The following PSD3 variants were observed in gnomAD, a reference collection of about 807,000 sequenced individuals.
PSD3 encodes pleckstrin and Sec7 domain containing 3, also known as PH and SEC7 domain-containing protein 3.
In PSD3, 49 loss-of-function variants were observed where a neutral mutation model predicts 105.5. The observed-to-expected ratio is 0.46, with a 90% CI of 0.37 to 0.59. The LOEUF is 0.59. Ranked by LOEUF, PSD3 falls within the 20% of genes least tolerant of loss-of-function variation. PSD3 has a pLI of 0.00. For missense variants in PSD3, 1,561 were observed against 1,263.8 expected, an observed-to-expected ratio of 1.24 and a Z score of -3.57; for synonymous variants, 557 against 457.8, an observed-to-expected ratio of 1.22 and a Z score of -2.77.
chr8:18,923,653 G>T (rs1821174113), intron 2 of PSD3, among the ~76,000 whole-genome samples: 1 of 152,194 alleles, frequency 6.6e-6, no homozygotes, highest in African/African-American at 2.4e-5. Context: ...ATAGAGCCTA[G>T]GTGTGCAGTA....
At chr8:19,077,963 T>C (rs1164753961) in intron 1 of PSD3, among the ~76,000 whole-genome samples, 2 of 152,208 alleles carry the variant, frequency 1.3e-5, no homozygotes, top group Non-Finnish European at 2.9e-5. Context: ...TTGATTACCA[T>C]ACAACCTGCT....
intron 2 of PSD3, among the ~76,000 whole-genome samples, chr8:18,915,864 G>A (rs1820547358): frequency 6.6e-6 from 1 of 152,146 alleles, no homozygotes; most frequent in South Asian, 2.1e-4. Flanking sequence ...GGAGGCCAAG[G>A]CAGGAGGAAT....
Position 18,569,973 on chromosome 8 carries a change from C to G in PSD3, c.2784+2555G>C, listed in dbSNP as rs1393390879. Among the ~76,000 whole-genome samples the G allele has an allele frequency of 9.8e-5, 2 of 20,504 alleles. 1 individual carries two copies. Among genetic ancestry groups the G allele is most frequent in the African/African-American group, 2.0e-4 (2 of 9,992 alleles). 13.5% of individuals were successfully genotyped at this position (20,504 alleles called of 152,430 possible). A position where few individuals can be genotyped will look rare whatever the true frequency, so the allele number is the denominator to read the frequency against. On this transcript the variant is annotated intron_variant, in intron 14 of 15. Transcript: ENST00000327040. The stretch of plus-strand genomic sequence containing the variant: ...TTCTTCACAGAATTGGAAAAAACTA[C>G]TTTAAAGTTCATATGGAACCAAAAA...
intron 2 of PSD3, among the ~76,000 whole-genome samples, chr8:18,886,469 T>C (rs1818459452): frequency 1.3e-5 from 2 of 152,126 alleles, no homozygotes; most frequent in African/African-American, 4.8e-5. Context: ...AGGGGTCTCC[T>C]ACTGGGACGC....
chr8:18,552,111 C>CAATT (rs1177364908), intron 15 of PSD3, among the ~76,000 whole-genome samples: 1 of 152,182 alleles, frequency 6.6e-6, no homozygotes, highest in Non-Finnish European at 1.5e-5. Flanking sequence ...TGGCAACATA[C>CAATT]AATTCATTGG....
intron 11 of PSD3, among the ~76,000 whole-genome samples, chr8:18,627,818 A>C (rs1340734548): frequency 6.6e-6 from 1 of 151,828 alleles, no homozygotes; most frequent in Non-Finnish European, 1.5e-5. Context: ...GGAAAAAAAA[A>C]CCAACTATGA....
At chr8:18,760,761 C>A (rs1806455266) in intron 9 of PSD3, among the ~76,000 whole-genome samples, 1 of 152,142 alleles carries the variant, frequency 6.6e-6, no homozygotes. Flanking sequence ...TTGGTATCAG[C>A]CGCTGATAAG....
intron 9 of PSD3, among the ~76,000 whole-genome samples, chr8:18,699,878 C>T (rs960007533): frequency 5.5e-5 from 8 of 144,170 alleles, no homozygotes; most frequent in Non-Finnish European, 1.0e-4. Context: ...AAAAAAAAAA[C>T]CACAAAAATC....
intron 4 of PSD3, among the ~76,000 whole-genome samples, chr8:18,864,137 T>C (rs1816653876): frequency 6.6e-6 from 1 of 152,232 alleles, no homozygotes; most frequent in Non-Finnish European, 1.5e-5. Context: ...ATTTTTGTTT[T>C]GTTGAAGATA....
intron 9 of PSD3, among the ~76,000 whole-genome samples, chr8:18,738,004 G>C (rs988161900): frequency 1.3e-5 from 2 of 152,162 alleles, no homozygotes; most frequent in Non-Finnish European, 2.9e-5. Flanking sequence ...ACACCAACTA[G>C]AAGCTATCTT....
intron 14 of PSD3, among the ~76,000 whole-genome samples, chr8:18,560,695 A>G (rs1419663144): frequency 6.6e-6 from 1 of 152,208 alleles, no homozygotes; most frequent in East Asian, 1.9e-4. Flanking sequence ...TTAGGATTTC[A>G]TTTACTTATA....
At chr8:18,868,372 C>T (rs1287674643) in intron 3 of PSD3, among the ~76,000 whole-genome samples, 3 of 151,984 alleles carry the variant, frequency 2.0e-5, no homozygotes, top group South Asian at 4.1e-4. Context: ...CCAAATATAC[C>T]GTACACATTC....
chr8:18,744,013 A>T (rs1194254657), intron 9 of PSD3, among the ~76,000 whole-genome samples: 3 of 140,280 alleles, frequency 2.1e-5, no homozygotes, highest in African/African-American at 9.0e-5. Context: ...AAGTTCCCTA[A>T]TATGCTGCTC....
At chr8:18,845,244 T>C (rs1353429219) in intron 4 of PSD3, among the ~76,000 whole-genome samples, 1 of 152,172 alleles carries the variant, frequency 6.6e-6, no homozygotes, top group Non-Finnish European at 1.5e-5. Context: ...TTAAAGGGTA[T>C]TGATCATAGA....
chr8:19,022,335 A>G (rs76482935), intron 1 of PSD3, among the ~76,000 whole-genome samples: 2,831 of 152,246 alleles, frequency 0.019, 92 homozygotes, highest in African/African-American at 0.064. Context: ...CCTCAGTCCT[A>G]TGTACCCACT....
intron 9 of PSD3, among the ~76,000 whole-genome samples, chr8:18,660,534 C>G (rs1809270110): frequency 6.6e-6 from 1 of 152,162 alleles, no homozygotes; most frequent in African/African-American, 2.4e-5. Context: ...GAAATAGTTC[C>G]AGGGTCAGTC....
intron 4 of PSD3, among the ~76,000 whole-genome samples, chr8:18,829,141 C>T (rs141670003): frequency 3.3e-5 from 5 of 152,042 alleles, no homozygotes; most frequent in East Asian, 1.9e-4. Context: ...CAGCTCCTAA[C>T]GAGGCTGAGA....
chr8:18,757,951 A>T (rs1368537308), intron 9 of PSD3, among the ~76,000 whole-genome samples: 8 of 152,324 alleles, frequency 5.3e-5, no homozygotes, highest in African/African-American at 1.9e-4. Flanking sequence ...ATGATGCCTA[A>T]AACCTCTGGC....
At chr8:19,022,300 T>A (rs1298747650) in intron 1 of PSD3, among the ~76,000 whole-genome samples, 1 of 152,172 alleles carries the variant, frequency 6.6e-6, no homozygotes, top group Non-Finnish European at 1.5e-5. Flanking sequence ...CCAAACCATA[T>A]TAAGTGGGGT....
Sources: allele counts gnomAD v4.1 joint callset (sites outside exome capture counted in the v4.1 genomes callset), GRCh38; gene constraint gnomAD v4.1.1; transcripts MANE v1.5; gene names NCBI Gene and HGNC (gene_info 2026-07-23, HGNC 2026-07-21).